The following RASGEF1A variants were observed in gnomAD, a reference collection of about 807,000 sequenced individuals.
The protein encoded by RASGEF1A is ras-GEF domain-containing family member 1A.
In RASGEF1A, 18 loss-of-function variants were observed where a neutral mutation model predicts 56.4. The observed-to-expected ratio is 0.32, with a 90% CI of 0.22 to 0.47. RASGEF1A has a LOEUF of 0.47. Ranked by LOEUF, RASGEF1A falls within the 20% of genes least tolerant of loss-of-function variation. The pLI is 1.00. For missense variants in RASGEF1A, 422 were observed against 627.1 expected, an observed-to-expected ratio of 0.67 and a Z score of 3.49; for synonymous variants, 245 against 242.6, an observed-to-expected ratio of 1.01 and a Z score of -0.09.
intron 1 of RASGEF1A, among the ~76,000 whole-genome samples, chr10:43,257,161 G>T (rs1304114315): frequency 6.6e-6 from 1 of 152,218 alleles, no homozygotes; most frequent in Non-Finnish European, 1.5e-5. Context: ...GCAGCACCTT[G>T]CAGAATCCCT....
intron 1 of RASGEF1A, among the ~76,000 whole-genome samples, chr10:43,227,704 A>G (rs1005694929): frequency 1.2e-4 from 18 of 151,942 alleles, no homozygotes; most frequent in Admixed American, 9.8e-4. Flanking sequence ...CTCTCCCTGG[A>G]CTCTAGACTG....
intron 1 of RASGEF1A, among the ~76,000 whole-genome samples, chr10:43,265,869 C>A (rs1032182115): frequency 1.2e-4 from 19 of 152,370 alleles, no homozygotes; most frequent in Non-Finnish European, 1.8e-4. Flanking sequence ...CTGGGAGGCT[C>A]CCCTGCACCC....
intron 1 of RASGEF1A, among the ~76,000 whole-genome samples, chr10:43,241,170 A>G (rs1265846657): frequency 6.6e-6 from 1 of 152,242 alleles, no homozygotes; most frequent in Non-Finnish European, 1.5e-5. Flanking sequence ...CTGGTTTTAT[A>G]TTTATTGCTA....
At chr10:43,259,342 T>A (rs1437700195) in intron 1 of RASGEF1A, among the ~76,000 whole-genome samples, 1 of 151,936 alleles carries the variant, frequency 6.6e-6, no homozygotes, top group Non-Finnish European at 1.5e-5. Flanking sequence ...AGCTGGGCCC[T>A]ACCCAGACTC....
chr10:43,237,588 C>G (rs984423139), intron 1 of RASGEF1A, among the ~76,000 whole-genome samples: 4 of 152,112 alleles, frequency 2.6e-5, no homozygotes, highest in Non-Finnish European at 5.9e-5. Context: ...AGAGCAGCTG[C>G]ATCTGCTATT....
intron 1 of RASGEF1A, chr10:43,229,832 G>A: frequency 1.0e-6 from 1 of 974,704 alleles, no homozygotes. Flanking sequence ...GGGACCGCGG[G>A]GTCCGGGCGG....
rs755523132 is a variant in RASGEF1A, at chr10:43,198,016, G to A, written c.1212C>T (p.His404=). 10 of 1,611,800 alleles carry A rather than the reference G, an allele frequency of 6.2e-6. No homozygotes were observed. Among genetic ancestry groups the A allele is most frequent in the Non-Finnish European group, 8.5e-6 (10 of 1,178,296 alleles). The part of the protein sequence containing the change: ...KIHTNHLPNG[H]INFKKFWEIS... Reference sequence around the variant, plus strand: ...GGGATGAGCTCACCTTAAAGTTAATGTGCCCGTTGGGCAGGTGGTTGGTAT... The same window carrying A: ...GGGATGAGCTCACCTTAAAGTTAATATGCCCGTTGGGCAGGTGGTTGGTAT... Residue 404 remains histidine (H), a synonymous_variant, in exon 10 of 13, where the codon CAC becomes CAT. Transcript: ENST00000395810.
intron 1 of RASGEF1A, chr10:43,209,078 T>A: frequency 1.0e-6 from 1 of 985,424 alleles, no homozygotes; most frequent in Non-Finnish European, 1.2e-6. Context: ...GACAGGCAGC[T>A]GCAAACCTGT....
At chr10:43,264,234 T>G (rs771146888) in intron 1 of RASGEF1A, among the ~76,000 whole-genome samples, 8 of 151,360 alleles carry the variant, frequency 5.3e-5, no homozygotes, top group Non-Finnish European at 1.2e-4. Context: ...AGCTCGCCAC[T>G]CTGGGCCGGC....
intron 3 of RASGEF1A, 35 bp from the exon 4 acceptor site, chr10:43,201,980 A>G: frequency 1.3e-6 from 2 of 1,565,244 alleles, no homozygotes; most frequent in East Asian, 2.3e-5. Flanking sequence ...AAGGCCCCAC[A>G]GGGCAGAGTA....
intron 1 of RASGEF1A, among the ~76,000 whole-genome samples, chr10:43,249,493 A>G (rs2133223600): frequency 6.6e-6 from 1 of 152,330 alleles, no homozygotes; most frequent in South Asian, 2.1e-4. Flanking sequence ...AGTGCTGGTG[A>G]TTTGGCCAGC....
At chr10:43,218,796 C>T (rs544487454) in intron 1 of RASGEF1A, among the ~76,000 whole-genome samples, 27 of 152,394 alleles carry the variant, frequency 1.8e-4, no homozygotes, top group Middle Eastern at 3.4e-3. Context: ...ACAGGGCGCC[C>T]GCTCCAGAGG....
intron 1 of RASGEF1A, among the ~76,000 whole-genome samples, chr10:43,233,018 C>G (rs188627094): frequency 3.9e-5 from 6 of 152,280 alleles, no homozygotes; most frequent in East Asian, 1.9e-4. Flanking sequence ...CCACCCTCCC[C>G]CTGCGTGCAA....
intron 1 of RASGEF1A, among the ~76,000 whole-genome samples, chr10:43,222,813 G>A (rs1840225019): frequency 6.6e-6 from 1 of 152,208 alleles, no homozygotes; most frequent in African/African-American, 2.4e-5. Flanking sequence ...ACTTGCAAAT[G>A]GCATCTGAAG....
chr10:43,216,053 A>T (rs1376402546), intron 1 of RASGEF1A, among the ~76,000 whole-genome samples: 1 of 152,166 alleles, frequency 6.6e-6, no homozygotes, highest in Non-Finnish European at 1.5e-5. Context: ...TGGCTGCCTC[A>T]CTTACTCCAA....
At chr10:43,229,138 G>A (rs1258230492) in intron 1 of RASGEF1A, among the ~76,000 whole-genome samples, 1 of 152,186 alleles carries the variant, frequency 6.6e-6, no homozygotes, top group Non-Finnish European at 1.5e-5. Context: ...GCCCCACGGT[G>A]GGCTCCACTC....
intron 1 of RASGEF1A, chr10:43,208,589 G>A: frequency 4.1e-6 from 4 of 985,648 alleles, no homozygotes; most frequent in Non-Finnish European, 4.8e-6. Flanking sequence ...CAGAGCCTGA[G>A]GGGGACCGTG....
intron 3 of RASGEF1A, among the ~76,000 whole-genome samples, chr10:43,202,276 G>A (rs1181495349): frequency 6.6e-6 from 1 of 152,214 alleles, no homozygotes. Context: ...AATAACCCAA[G>A]CCAAGCCATC....
chr10:43,247,007 T>C (rs961550985), intron 1 of RASGEF1A, among the ~76,000 whole-genome samples: 13 of 152,182 alleles, frequency 8.5e-5, no homozygotes, highest in Non-Finnish European at 1.6e-4. Flanking sequence ...GGAGAAAATA[T>C]TTGCATGCCA....
Sources: gnomAD v4.1 joint callset for allele counts (sites outside exome capture counted in the v4.1 genomes callset) on GRCh38, gnomAD v4.1.1 for gene constraint, MANE v1.5 for transcripts, NCBI Gene and HGNC (gene_info 2026-07-23, HGNC 2026-07-21) for gene names.